The following CHCHD3 variants were observed in gnomAD, a reference collection of about 807,000 sequenced individuals.
CHCHD3 encodes the protein coiled-coil-helix-coiled-coil-helix domain containing 3.
A neutral mutation model predicts 38.2 loss-of-function variants in CHCHD3; 20 were observed. That is an observed-to-expected ratio of 0.52 (90% CI 0.37 to 0.76). CHCHD3 has a LOEUF of 0.76. CHCHD3 is among the 30% of genes least tolerant of loss of function. The probability of loss-of-function intolerance (pLI) is 0.00; values close to 1 mark genes in which losing one functional copy is unlikely to be tolerated. For missense variants in CHCHD3, 245 were observed against 279.2 expected (o/e 0.88, Z 0.87); for synonymous variants, 82 against 100.0 (o/e 0.82, Z 1.07).
intron 4 of CHCHD3, among the ~76,000 whole-genome samples, chr7:132,946,188 G>A (rs1439864241): frequency 7.0e-6 from 1 of 142,506 alleles, no homozygotes; most frequent in Non-Finnish European, 1.6e-5. Flanking sequence ...GTGTGTGTGT[G>A]TGTATACACA....
intron 2 of CHCHD3, 69 bp from the exon 3 acceptor site, chr7:133,024,696 C>A: frequency 8.6e-7 from 1 of 1,163,740 alleles, no homozygotes. Context: ...AGAAAATACT[C>A]AGGAAAGCCC....
intron 6 of CHCHD3, among the ~76,000 whole-genome samples, chr7:132,817,949 G>C (rs1214479684): frequency 6.6e-6 from 1 of 151,926 alleles, no homozygotes; most frequent in Non-Finnish European, 1.5e-5. Flanking sequence ...GAAAGCTTTG[G>C]AGAAATATGT....
chr7:132,827,976 T>G (rs541692603), intron 6 of CHCHD3, among the ~76,000 whole-genome samples: 4 of 152,304 alleles, frequency 2.6e-5, no homozygotes, highest in Admixed American at 6.5e-5. Flanking sequence ...AGGATACCAC[T>G]GAGTTGAGTG....
intron 5 of CHCHD3, among the ~76,000 whole-genome samples, chr7:132,846,273 A>G (rs1346541705): frequency 6.6e-6 from 1 of 152,216 alleles, no homozygotes. Context: ...GCACAGGGCC[A>G]TGTCAATCAC....
rs1323469080 is a variant in CHCHD3, at chr7:133,046,995, C to T, written c.170-22368G>A. 2.0e-5 allele frequency among the ~76,000 whole-genome samples: 3 copies of T among 152,330 alleles called. No homozygotes were observed. In the East Asian group the frequency reaches 5.8e-4, roughly 29 times the overall value. On this transcript the variant is annotated intron_variant, in intron 2 of 7. Transcript: ENST00000262570. ...GGTTTGGAGTGAAGACCCAAACTTA[C>T]ATCAGACATTGTTACCTGTGGTCTA...
chr7:132,851,163 A>G (rs897978709), intron 5 of CHCHD3, among the ~76,000 whole-genome samples: 1 of 152,238 alleles, frequency 6.6e-6, no homozygotes, highest in Non-Finnish European at 1.5e-5. Context: ...TTCTGCAAGG[A>G]GCAGTTGTTA....
Position 132,869,436 on chromosome 7 carries a change from A to T in CHCHD3, c.453+16226T>A, listed in dbSNP as rs570771185. Among the ~76,000 whole-genome samples, 7 of 152,282 alleles carry T rather than the reference A, an allele frequency of 4.6e-5. No homozygotes were observed. In the South Asian group the frequency reaches 1.5e-3, roughly 32 times the overall value. ...CTCATTAGCTAGGGTGATTCAACAA[A>T]ACAGATGCAGATTCAAACCAGCCTC... is the stretch of plus-strand genomic sequence containing the variant. On this transcript the variant is annotated intron_variant, in intron 5 of 7. Coordinates refer to ENST00000262570, the MANE Select transcript of CHCHD3 (RefSeq NM_017812.4).
intron 3 of CHCHD3, among the ~76,000 whole-genome samples, chr7:133,016,564 G>C (rs1398380137): frequency 6.6e-6 from 1 of 152,180 alleles, no homozygotes; most frequent in African/African-American, 2.4e-5. Flanking sequence ...AGAAAAGAAG[G>C]GGGTAAGGTT....
chr7:132,836,246 A>C (rs1807778404), intron 6 of CHCHD3, among the ~76,000 whole-genome samples: 1 of 151,918 alleles, frequency 6.6e-6, no homozygotes, highest in South Asian at 2.1e-4. Flanking sequence ...TAGCTACCTC[A>C]GTAGCTGGGA....
intron 4 of CHCHD3, among the ~76,000 whole-genome samples, chr7:132,957,720 T>A (rs1171165644): frequency 6.6e-6 from 1 of 152,144 alleles, no homozygotes; most frequent in African/African-American, 2.4e-5. Context: ...CCTCAGGTGA[T>A]CCACCCACCT....
intron 6 of CHCHD3, among the ~76,000 whole-genome samples, chr7:132,815,996 T>C (rs1563243804): frequency 6.6e-6 from 1 of 152,218 alleles, no homozygotes; most frequent in East Asian, 1.9e-4. Context: ...AGTTGGTGCC[T>C]GAAACAAAAT....
intron 3 of CHCHD3, among the ~76,000 whole-genome samples, chr7:132,999,644 G>A (rs1263556587): frequency 3.9e-5 from 6 of 152,036 alleles, no homozygotes; most frequent in African/African-American, 1.2e-4. Flanking sequence ...TCTTAATTTA[G>A]AAAAGGAAAT....
chr7:133,019,644 G>A (rs528702824), intron 3 of CHCHD3, among the ~76,000 whole-genome samples: 3 of 151,996 alleles, frequency 2.0e-5, no homozygotes, highest in South Asian at 2.1e-4. Context: ...GAAAAATAGC[G>A]AGCAAGTAAT....
At chr7:132,838,966 G>A (rs780057164) in intron 5 of CHCHD3, among the ~76,000 whole-genome samples, 9 of 152,126 alleles carry the variant, frequency 5.9e-5, no homozygotes, top group Non-Finnish European at 1.0e-4. Flanking sequence ...CGAGGTGGGC[G>A]GATCACCTGA....
chr7:132,880,491 G>GA (rs945102127), intron 5 of CHCHD3, among the ~76,000 whole-genome samples: 3 of 152,122 alleles, frequency 2.0e-5, no homozygotes, highest in African/African-American at 7.2e-5. Context: ...GGCTAGTGAA[G>GA]AAGATACTAA....
intron 3 of CHCHD3, among the ~76,000 whole-genome samples, chr7:132,993,062 G>A (rs1353457061): frequency 6.6e-6 from 1 of 152,098 alleles, no homozygotes; most frequent in Non-Finnish European, 1.5e-5. Flanking sequence ...CCTAAACCCA[G>A]GCTGATCCCA....
At chr7:132,975,925 TAA>T (rs11417082) in intron 3 of CHCHD3, among the ~76,000 whole-genome samples, 8 of 140,444 alleles carry the variant, frequency 5.7e-5, no homozygotes, top group African/African-American at 1.3e-4. Context: ...AGACTCCGTT[TAA>T]AAAAAAAAAA....
chr7:132,960,044 G>T (rs1053763789), intron 4 of CHCHD3, among the ~76,000 whole-genome samples: 2 of 152,286 alleles, frequency 1.3e-5, no homozygotes, highest in South Asian at 2.1e-4. Context: ...CCTCTCACTC[G>T]CAGCAGCAAC....
At chr7:132,862,392 T>C (rs1276094208) in intron 5 of CHCHD3, among the ~76,000 whole-genome samples, 2 of 152,238 alleles carry the variant, frequency 1.3e-5, no homozygotes, top group Non-Finnish European at 2.9e-5. Flanking sequence ...ATAAAAGTCA[T>C]GTTTATAATA....
Sources: gnomAD v4.1 joint callset for allele counts (sites outside exome capture counted in the v4.1 genomes callset) on GRCh38, gnomAD v4.1.1 for gene constraint, MANE v1.5 for transcripts, NCBI Gene and HGNC (gene_info 2026-07-23, HGNC 2026-07-21) for gene names.